MAP3K5: variants seen among roughly 807,000 people sequenced by gnomAD.
MAP3K5 encodes mitogen-activated protein kinase kinase kinase 5.
MAP3K5 carries 56 observed loss-of-function variants against 158.7 expected under a neutral mutation model. The observed-to-expected ratio is 0.35, with a 90% CI of 0.28 to 0.44. The LOEUF is 0.44. Among genes scored for constraint, MAP3K5 ranks in the 20% least tolerant of loss-of-function variants. The probability of loss-of-function intolerance (pLI) is 1.00; values close to 1 mark genes in which losing one functional copy is unlikely to be tolerated. For synonymous variants in MAP3K5, 579 were observed against 601.7 expected, an observed-to-expected ratio of 0.96 and a Z score of 0.55; for missense variants, 1,294 against 1,674.8, an observed-to-expected ratio of 0.77 and a Z score of 3.97.
chr6:136,614,341 A>T, intron 15 of MAP3K5, 55 bp from the exon 16 acceptor site: 2 of 1,572,086 alleles, frequency 1.3e-6, no homozygotes, highest in South Asian at 2.3e-5. Flanking sequence ...TTTACTGTAT[A>T]AATTTAAACA....
chr6:136,692,887 TG>T (rs1312787391), intron 7 of MAP3K5, among the ~76,000 whole-genome samples: 5 of 151,860 alleles, frequency 3.3e-5, no homozygotes, highest in African/African-American at 1.2e-4. Context: ...GCTCAGGAGG[TG>T]GAGGTGGCAG....
intron 4 of MAP3K5, among the ~76,000 whole-genome samples, chr6:136,697,679 T>C (rs968199301): frequency 6.6e-6 from 1 of 151,636 alleles, no homozygotes; most frequent in Non-Finnish European, 1.5e-5. Flanking sequence ...AACTTTGTTT[T>C]CCATTTTACT....
intron 1 of MAP3K5, among the ~76,000 whole-genome samples, chr6:136,774,888 C>G (rs562780777): frequency 6.6e-6 from 1 of 152,306 alleles, no homozygotes; most frequent in East Asian, 1.9e-4. Context: ...TCAGATGTTT[C>G]TAACAAAAGG....
At chr6:136,743,208 T>C (rs1782785968) in intron 1 of MAP3K5, among the ~76,000 whole-genome samples, 1 of 152,152 alleles carries the variant, frequency 6.6e-6, no homozygotes, top group African/African-American at 2.4e-5. Context: ...CCCAGCACTT[T>C]GGGAGGCCGA....
intron 21 of MAP3K5, among the ~76,000 whole-genome samples, chr6:136,598,743 A>G (rs1168768069): frequency 6.6e-6 from 1 of 152,186 alleles, no homozygotes; most frequent in Non-Finnish European, 1.5e-5. Context: ...AGAAACACAT[A>G]TATGGCCTAT....
Position 136,659,376 on chromosome 6 carries a change from C to A in MAP3K5, c.1369G>T (p.Val457Leu). The A allele has an allele frequency of 6.2e-7, 1 of 1,613,682 alleles. No individual in the cohort carries two copies. The highest frequency in any genetic ancestry group is 8.5e-7 in the Non-Finnish European group (1 of 1,179,920). The change falls in exon 9 of 30, where the codon GTG becomes TTG. Residue 457 changes from valine (V) to leucine (L), a missense_variant and splice_region_variant. By Grantham distance (32) the Val-to-Leu change is conservative (BLOSUM62 1). Around this residue, in one of 5 missense-constraint regions of MAP3K5, gnomAD observed 690 missense variants for 870.5 expected, o/e 0.79. Transcript: ENST00000359015. ...ESSFELRKVG[V>L]KLSSLLGKKG... Reference sequence around the variant, plus strand: ...TTACCAAGAAGACTACTTAGCTTCACCCCTAGAATACAAACAGGAAGTAGA... The same window carrying A: ...TTACCAAGAAGACTACTTAGCTTCAACCCTAGAATACAAACAGGAAGTAGA...
intron 1 of MAP3K5, among the ~76,000 whole-genome samples, chr6:136,740,228 T>A (rs1172814409): frequency 6.6e-6 from 1 of 152,216 alleles, no homozygotes; most frequent in Non-Finnish European, 1.5e-5. Context: ...TCATTTCTTG[T>A]TTGTGTGGGA....
Position 136,592,970 on chromosome 6 carries a change from A to G in MAP3K5, c.2879-356T>C, listed in dbSNP as rs554528891. ...CTCAGTTTTCATATTTATCAAATTC[A>G]GGGTCAGATTGATAATCTTTAAGCC... is the stretch of plus-strand genomic sequence containing the variant. On this transcript the variant is annotated intron_variant, in intron 21 of 29. Coordinates refer to ENST00000359015, the MANE Select transcript of MAP3K5 (RefSeq NM_005923.4). Among the ~76,000 whole-genome samples, 7 of 152,256 alleles carry G rather than the reference A, an allele frequency of 4.6e-5. No homozygotes were observed. In the South Asian group the frequency reaches 1.4e-3, roughly 32 times the overall value.
chr6:136,564,164 C>G (rs1007480732), intron 26 of MAP3K5, among the ~76,000 whole-genome samples: 3 of 152,094 alleles, frequency 2.0e-5, no homozygotes, highest in African/African-American at 7.2e-5. Context: ...ATGTTCTGTT[C>G]CTTGCTACCT....
chr6:136,608,281 A>G (rs1404604891), intron 18 of MAP3K5, among the ~76,000 whole-genome samples: 1 of 152,016 alleles, frequency 6.6e-6, no homozygotes, highest in African/African-American at 2.4e-5. Flanking sequence ...AAAAAAAAAA[A>G]GCAAGCCACT....
intron 8 of MAP3K5, among the ~76,000 whole-genome samples, chr6:136,659,692 A>G (rs952313729): frequency 1.3e-5 from 2 of 152,232 alleles, no homozygotes; most frequent in Admixed American, 1.3e-4. Flanking sequence ...TGGAAAGCAG[A>G]ATAGAGGTTA....
chr6:136,663,801 T>C (rs1424838570), intron 8 of MAP3K5, among the ~76,000 whole-genome samples: 1 of 151,806 alleles, frequency 6.6e-6, no homozygotes, highest in Non-Finnish European at 1.5e-5. Context: ...TTAGTAGAGA[T>C]GGGGTTTCAT....
intron 8 of MAP3K5, 146 bp downstream of exon 8, chr6:136,669,137 C>T: frequency 1.5e-6 from 1 of 652,770 alleles, no homozygotes; most frequent in Non-Finnish European, 2.7e-6. Flanking sequence ...AAACACCAAA[C>T]AAGGAGATAT....
intron 9 of MAP3K5, among the ~76,000 whole-genome samples, chr6:136,658,050 C>T (rs1479947804): frequency 6.6e-6 from 1 of 152,078 alleles, no homozygotes; most frequent in Non-Finnish European, 1.5e-5. Context: ...TTAGAAAGAT[C>T]CCTGGGGAGG....
At chr6:136,770,472 T>C (rs577376168) in intron 1 of MAP3K5, among the ~76,000 whole-genome samples, 1 of 152,352 alleles carries the variant, frequency 6.6e-6, no homozygotes, top group Admixed American at 6.5e-5. Flanking sequence ...GCCCAAAAAT[T>C]GTTTCTTCTC....
intron 11 of MAP3K5, among the ~76,000 whole-genome samples, chr6:136,650,603 A>C (rs1778476598): frequency 6.6e-6 from 1 of 152,260 alleles, no homozygotes; most frequent in South Asian, 2.1e-4. Context: ...TGTAAGATTA[A>C]AAGTGGCATC....
At chr6:136,638,818 T>A (rs951551781) in intron 13 of MAP3K5, among the ~76,000 whole-genome samples, 2 of 152,332 alleles carry the variant, frequency 1.3e-5, no homozygotes, top group African/African-American at 4.8e-5. Flanking sequence ...AAATAGTAAT[T>A]ATTTAAATAA....
Position 136,791,793 on chromosome 6 carries a change from G to A in MAP3K5, c.365C>T (p.Thr122Ile). Residue 122 changes from threonine (T) to isoleucine (I), a missense_variant, in exon 1 of 30, where the codon ACA (threonine) becomes ATA (isoleucine). By Grantham distance (89) the Thr-to-Ile change is moderately conservative. This residue lies in a region of MAP3K5 where 690 missense variants were observed against 870.5 expected (regional missense o/e 0.79). Coordinates refer to ENST00000359015, the MANE Select transcript of MAP3K5 (RefSeq NM_005923.4). The stretch of plus-strand genomic sequence containing the variant: ...CAGGGTTTCCAGGGTGGCGCCCACT[G>A]TCTCGCACGCCTCCCGCAAGCTCTG... ...ALQSLREACETVGATLETLHF... is the reference protein window; with the variant it reads ...ALQSLREACEIVGATLETLHF... 6.2e-7 allele frequency: 1 copy of A among 1,613,720 alleles called. No individual in the cohort carries two copies. Among genetic ancestry groups the A allele is most frequent in the Non-Finnish European group, 8.5e-7 (1 of 1,180,024 alleles).
At position 136,592,591 on chromosome 6, in the gene MAP3K5, G is replaced by T. The variant is rs777122077; in HGVS notation, c.2902C>A (p.Pro968Thr). Residue 968 changes from proline to threonine, a missense_variant, in exon 22 of 30, where the codon CCG becomes ACG. Physicochemically the swap from Pro to Thr is conservative, Grantham distance 38. This residue lies in a region of MAP3K5 where 362 missense variants were observed against 463.2 expected (regional missense o/e 0.78). Coordinates refer to ENST00000359015, the MANE Select transcript of MAP3K5 (RefSeq NM_005923.4). ...GTGTCCTCCACCAGCACAGGTACCG[G>T]CAAGGATATACTCCTGAGATATTCT... ...SNEYLRSISL[P>T]VPVLVEDTSS... is the part of the protein sequence containing the mutation. The T allele has an allele frequency of 6.2e-7, 1 of 1,613,832 alleles. No homozygotes were observed. Among genetic ancestry groups the T allele is most frequent in the Non-Finnish European group, 8.5e-7 (1 of 1,179,888 alleles).
Sources: gnomAD v4.1 joint callset for allele counts (sites outside exome capture counted in the v4.1 genomes callset) on GRCh38, gnomAD v4.1.1 for gene constraint, gnomAD v4.1.1 regional missense constraint, MANE v1.5 for transcripts, NCBI Gene and HGNC (gene_info 2026-07-23, HGNC 2026-07-21) for gene names.